RPS6KA5: variants seen among roughly 807,000 people sequenced by gnomAD.
The protein encoded by RPS6KA5 is ribosomal protein S6 kinase alpha-5.
A neutral mutation model predicts 85.5 loss-of-function variants in RPS6KA5; 27 were observed. The ratio of observed to expected loss-of-function variants is 0.32; its 90% confidence interval spans 0.23 to 0.44. The LOEUF (loss-of-function observed/expected upper bound fraction) is 0.44. RPS6KA5 is among the 20% of genes least tolerant of loss of function. RPS6KA5 has a pLI of 1.00. For synonymous variants in RPS6KA5, 334 were observed against 348.2 expected (o/e 0.96, Z 0.46); for missense variants, 811 against 980.9 (o/e 0.83, Z 2.31).
intron 1 of RPS6KA5, among the ~76,000 whole-genome samples, chr14:91,037,610 C>A (rs1232967172): frequency 1.3e-5 from 2 of 152,186 alleles, no homozygotes; most frequent in Admixed American, 1.3e-4. Flanking sequence ...TAAATCCATT[C>A]TAAAACTCTC....
intron 15 of RPS6KA5, among the ~76,000 whole-genome samples, chr14:90,874,079 G>A (rs1028675347): frequency 5.9e-5 from 9 of 152,196 alleles, no homozygotes; most frequent in Non-Finnish European, 8.8e-5. Context: ...TGGTGACTTC[G>A]TAAGCTCCAA....
In RPS6KA5 at chr14:90,855,386, G is replaced by A. The variant is rs984001075; in HGVS notation, c.*16688C>T. ...AAGATGAGAGAGATTTTAGAAAAGT[G>A]CTCACCAAAGAAAAACTGAACTCAA... On this transcript the variant is annotated 3_prime_UTR_variant, in exon 17 of 17. Transcript: ENST00000614987. The A allele has an allele frequency of 1.3e-5, 2 of 152,108 alleles. No individual in the cohort carries two copies. The highest frequency in any genetic ancestry group is 4.8e-5 in the African/African-American group (2 of 41,424). The allele number at this position is 152,108 out of a possible 1,614,324, so 9.4% of individuals were successfully genotyped here. A position where few individuals can be genotyped will look rare whatever the true frequency, so the allele number is the denominator to read the frequency against.
chr14:91,010,743 T>C (rs1351720231), intron 1 of RPS6KA5, among the ~76,000 whole-genome samples: 4 of 152,076 alleles, frequency 2.6e-5, no homozygotes, highest in Non-Finnish European at 5.9e-5. Context: ...TTTTCCAACT[T>C]AAGACAGATG....
chr14:90,949,119 AG>A (rs2038035773), intron 3 of RPS6KA5, among the ~76,000 whole-genome samples: 4 of 152,232 alleles, frequency 2.6e-5, no homozygotes, highest in Admixed American at 2.6e-4. Flanking sequence ...AAAGGTGTAA[AG>A]GAACACAGGA....
intron 1 of RPS6KA5, among the ~76,000 whole-genome samples, chr14:91,016,866 C>CAAA (rs34806962): frequency 4.1e-5 from 5 of 120,794 alleles, no homozygotes; most frequent in Admixed American, 8.3e-5. Context: ...TCTAAACAGG[C>CAAA]AAAAAAAAAA....
intron 2 of RPS6KA5, among the ~76,000 whole-genome samples, chr14:90,998,958 G>C (rs891079213): frequency 2.6e-5 from 4 of 152,212 alleles, no homozygotes; most frequent in African/African-American, 9.7e-5. Context: ...GGCCGGGCGT[G>C]ATGGCTCACG....
chr14:90,960,499 G>C (rs1338334420), intron 3 of RPS6KA5, among the ~76,000 whole-genome samples: 1 of 152,118 alleles, frequency 6.6e-6, no homozygotes, highest in Non-Finnish European at 1.5e-5. Flanking sequence ...TCTGAAAGGA[G>C]GAGTCTTCTC....
At chr14:91,001,767 G>A (rs1281131622) in intron 1 of RPS6KA5, among the ~76,000 whole-genome samples, 2 of 152,130 alleles carry the variant, frequency 1.3e-5, no homozygotes, top group African/African-American at 4.8e-5. Context: ...AAGATATATT[G>A]TCTTGAATAA....
At chr14:91,035,881 A>C (rs1462541183) in intron 1 of RPS6KA5, among the ~76,000 whole-genome samples, 1 of 131,634 alleles carries the variant, frequency 7.6e-6, no homozygotes, top group African/African-American at 3.2e-5. Flanking sequence ...AAAAAAAAAA[A>C]CCCCAAAGCT....
Position 90,867,933 on chromosome 14 carries a change from G to A in RPS6KA5, c.*4141C>T, listed in dbSNP as rs544604384. 1.3e-5 allele frequency: 2 copies of A among 152,200 alleles called. No individual in the cohort carries two copies. The highest frequency in any genetic ancestry group is 3.9e-4 in the East Asian group (2 of 5,178). 9.4% of individuals were successfully genotyped at this position (152,200 alleles called of 1,614,324 possible). A position where few individuals can be genotyped will look rare whatever the true frequency, so the allele number is the denominator to read the frequency against. On this transcript the variant is annotated 3_prime_UTR_variant, in exon 17 of 17. Transcript: ENST00000614987. ...ACTTAATTACATAACAGGGAGCTGGGCATACAAAGAAAAGGGCTCAGAAGA... is the reference window on the plus strand; with the variant it reads ...ACTTAATTACATAACAGGGAGCTGGACATACAAAGAAAAGGGCTCAGAAGA...
chr14:90,977,622 T>C (rs895169905), intron 3 of RPS6KA5, among the ~76,000 whole-genome samples: 1 of 152,194 alleles, frequency 6.6e-6, no homozygotes, highest in African/African-American at 2.4e-5. Context: ...GTCCGTCCCC[T>C]TGTCAGCCTA....
chr14:90,989,926 T>A (rs924681647), intron 2 of RPS6KA5, among the ~76,000 whole-genome samples: 2 of 152,074 alleles, frequency 1.3e-5, no homozygotes, highest in Admixed American at 1.3e-4. Context: ...GAGCTTACAA[T>A]CCAGAGGAAA....
chr14:91,034,148 C>CA (rs2042302931), intron 1 of RPS6KA5, among the ~76,000 whole-genome samples: 2 of 151,774 alleles, frequency 1.3e-5, no homozygotes, highest in African/African-American at 2.4e-5. Flanking sequence ...CATAAAAATA[C>CA]AAAAAAATTT....
At chr14:90,878,820 AT>A (rs2033644251) in intron 14 of RPS6KA5, among the ~76,000 whole-genome samples, 1 of 152,208 alleles carries the variant, frequency 6.6e-6, no homozygotes, top group African/African-American at 2.4e-5. Flanking sequence ...GCTCTAAGAA[AT>A]TTATCAAGTG....
At chr14:91,036,788 C>A (rs538165582) in intron 1 of RPS6KA5, among the ~76,000 whole-genome samples, 3 of 152,202 alleles carry the variant, frequency 2.0e-5, no homozygotes, top group Non-Finnish European at 4.4e-5. Flanking sequence ...CTGGCTCCTG[C>A]CCCCTCTAGT....
intron 1 of RPS6KA5, among the ~76,000 whole-genome samples, chr14:91,041,836 C>T (rs774357123): frequency 6.6e-6 from 1 of 152,204 alleles, no homozygotes; most frequent in African/African-American, 2.4e-5. Context: ...GTGTATAAAA[C>T]GGCAGTGTTT....
At chr14:91,034,886 C>G (rs1233589754) in intron 1 of RPS6KA5, among the ~76,000 whole-genome samples, 2 of 151,254 alleles carry the variant, frequency 1.3e-5, no homozygotes, top group African/African-American at 4.9e-5. Flanking sequence ...TGCTTTAAGT[C>G]AATCCATTTA....
At chr14:90,966,984 C>T (rs1284072451) in intron 3 of RPS6KA5, among the ~76,000 whole-genome samples, 1 of 152,074 alleles carries the variant, frequency 6.6e-6, no homozygotes, top group East Asian at 1.9e-4. Flanking sequence ...ATTCTGTTTA[C>T]AACTGAAGAA....
In RPS6KA5 at chr14:91,045,260, C is replaced by CTT. The variant is rs557182210; in HGVS notation, c.103+15070_103+15071dup. Among the ~76,000 whole-genome samples the CTT allele has an allele frequency of 8.9e-4, 118 of 132,850 alleles. 1 individual carries two copies. Among genetic ancestry groups the CTT allele is most frequent in the East Asian group, 3.3e-3 (15 of 4,490 alleles). The allele number at this position is 132,850 out of a possible 152,430, so 87.2% of individuals were successfully genotyped here. Reference sequence around the variant, plus strand: ...AATACAATACCAAGTTCTGCTGATTCTTTTTTTTTTTTTTTTTTGAGATGG... The same window carrying CTT: ...AATACAATACCAAGTTCTGCTGATTCTTTTTTTTTTTTTTTTTTTTGAGATGG... On this transcript the variant is annotated intron_variant, in intron 1 of 16. Coordinates refer to ENST00000614987, the MANE Select transcript of RPS6KA5 (RefSeq NM_004755.4).
Sources: gnomAD v4.1 joint callset for allele counts (sites outside exome capture counted in the v4.1 genomes callset) on GRCh38, gnomAD v4.1.1 for gene constraint, MANE v1.5 for transcripts, NCBI Gene and HGNC (gene_info 2026-07-23, HGNC 2026-07-21) for gene names.